PPM1H: variants seen among roughly 807,000 people sequenced by gnomAD.
The protein encoded by PPM1H is protein phosphatase, Mg2+/Mn2+ dependent 1H.
A neutral mutation model predicts 54.9 loss-of-function variants in PPM1H; 27 were observed. The ratio of observed to expected loss-of-function variants is 0.49; its 90% CI spans 0.36 to 0.68. The LOEUF is 0.68. Ranked by LOEUF, PPM1H falls within the 30% of genes least tolerant of loss-of-function variation. The pLI, the probability that PPM1H is intolerant of heterozygous loss-of-function variation, is 0.00. For missense variants in PPM1H, 596 were observed against 667.8 expected (o/e 0.89, Z 1.19); for synonymous variants, 305 against 270.8 (o/e 1.13, Z -1.24).
At chr12:62,836,478 A>T (rs1215943381) in intron 1 of PPM1H, among the ~76,000 whole-genome samples, 1 of 152,228 alleles carries the variant, frequency 6.6e-6, no homozygotes, top group Non-Finnish European at 1.5e-5. Flanking sequence ...TCCTCTTGTC[A>T]ACTCTATAAG....
intron 1 of PPM1H, among the ~76,000 whole-genome samples, chr12:62,908,354 C>T (rs528911701): frequency 1.4e-5 from 2 of 141,794 alleles, no homozygotes; most frequent in Admixed American, 7.5e-5. Context: ...TTGCAGTGAG[C>T]TGAGGTCATG....
chr12:62,697,546 C>A (rs2076121313), intron 6 of PPM1H, among the ~76,000 whole-genome samples: 1 of 151,962 alleles, frequency 6.6e-6, no homozygotes, highest in South Asian at 2.1e-4. Context: ...ACTTGGAAGG[C>A]CTGTCTGTTT....
At chr12:62,925,949 G>A (rs1871958579) in intron 1 of PPM1H, among the ~76,000 whole-genome samples, 1 of 152,334 alleles carries the variant, frequency 6.6e-6, no homozygotes, top group African/African-American at 2.4e-5. Context: ...TTTGTTGACT[G>A]AGTTATCTAT....
At chr12:62,761,856 G>A (rs2076511242) in intron 4 of PPM1H, among the ~76,000 whole-genome samples, 1 of 152,212 alleles carries the variant, frequency 6.6e-6, no homozygotes, top group Non-Finnish European at 1.5e-5. Flanking sequence ...ACAGCAAGGA[G>A]CTGGAAGGCT....
intron 2 of PPM1H, among the ~76,000 whole-genome samples, chr12:62,827,407 C>A (rs1243651470): frequency 6.6e-6 from 1 of 152,120 alleles, no homozygotes; most frequent in Non-Finnish European, 1.5e-5. Context: ...CATTTCTCAC[C>A]CATATTTCTG....
At chr12:62,832,086 G>A in intron 2 of PPM1H, 28 bp downstream of exon 2, 1 of 1,609,810 alleles carries the variant, frequency 6.2e-7, no homozygotes, top group South Asian at 1.1e-5. Flanking sequence ...CTTCTCACCT[G>A]AGAACCAAGG....
At chr12:62,727,027 G>C (rs2076293521) in intron 5 of PPM1H, among the ~76,000 whole-genome samples, 1 of 151,930 alleles carries the variant, frequency 6.6e-6, no homozygotes, top group Non-Finnish European at 1.5e-5. Flanking sequence ...CAATTCTCCT[G>C]CCTCAGCCTC....
intron 8 of PPM1H, among the ~76,000 whole-genome samples, chr12:62,676,103 C>A (rs141953515): frequency 6.6e-6 from 1 of 152,292 alleles, no homozygotes; most frequent in East Asian, 1.9e-4. Context: ...ATGAGTGGGC[C>A]AGAAAAGCAC....
At chr12:62,912,267 C>A (rs1181758602) in intron 1 of PPM1H, among the ~76,000 whole-genome samples, 1 of 152,166 alleles carries the variant, frequency 6.6e-6, no homozygotes, top group Non-Finnish European at 1.5e-5. Flanking sequence ...AATCTAGAAC[C>A]ACCTTCATTC....
chr12:62,930,584 T>C (rs939709814), intron 1 of PPM1H, among the ~76,000 whole-genome samples: 4 of 152,018 alleles, frequency 2.6e-5, no homozygotes, highest in African/African-American at 7.2e-5. Context: ...AGGATAAAAA[T>C]CGGGCAAACA....
chr12:62,800,325 GTT>G (rs34021356), intron 3 of PPM1H, among the ~76,000 whole-genome samples: 10,512 of 146,954 alleles, frequency 0.072, 496 homozygotes, highest in Middle Eastern at 0.12. Context: ...TAATCTCCAG[GTT>G]TTTTTTTTTT....
intron 1 of PPM1H, among the ~76,000 whole-genome samples, chr12:62,866,033 C>G (rs1208096778): frequency 6.6e-6 from 1 of 152,166 alleles, no homozygotes; most frequent in African/African-American, 2.4e-5. Flanking sequence ...AAGCCAACGT[C>G]TGTGGTGAAC....
intron 9 of PPM1H, among the ~76,000 whole-genome samples, chr12:62,655,516 T>C (rs1319579415): frequency 6.6e-6 from 1 of 152,208 alleles, no homozygotes; most frequent in African/African-American, 2.4e-5. Flanking sequence ...GGTTTTGTTA[T>C]TGAGGCTGAA....
At chr12:62,810,202 G>A (rs1468333868) in intron 2 of PPM1H, among the ~76,000 whole-genome samples, 2 of 152,024 alleles carry the variant, frequency 1.3e-5, no homozygotes, top group Non-Finnish European at 2.9e-5. Flanking sequence ...TTTTATATAA[G>A]ACACTTCACA....
chr12:62,767,750 T>C (rs1190650804), intron 4 of PPM1H, among the ~76,000 whole-genome samples: 2 of 152,160 alleles, frequency 1.3e-5, no homozygotes, highest in East Asian at 1.9e-4. Context: ...AAGCCTGAAA[T>C]CAAAATCGTA....
rs559511971 is a variant in PPM1H at position 62,697,520 on chromosome 12, A to C, written c.1074-3521T>G. On this transcript the variant is annotated intron_variant, in intron 6 of 9. Coordinates refer to ENST00000228705, the MANE Select transcript of PPM1H (RefSeq NM_020700.2). Reference sequence around the variant, plus strand: ...AAACTGCTCTCAGTTTAAGGAGGCCATCTAAGTTCTGGCCCACTTGGAAGG... The same window carrying C: ...AAACTGCTCTCAGTTTAAGGAGGCCCTCTAAGTTCTGGCCCACTTGGAAGG... Among the ~76,000 whole-genome samples the C allele has an allele frequency of 3.9e-5, 6 of 152,142 alleles. No homozygotes were observed. In the South Asian group the frequency reaches 1.3e-3, roughly 32 times the overall value.
At chr12:62,817,571 G>A (rs2076878810) in intron 2 of PPM1H, among the ~76,000 whole-genome samples, 1 of 152,082 alleles carries the variant, frequency 6.6e-6, no homozygotes, top group African/African-American at 2.4e-5. Context: ...AAAATGAGAT[G>A]AATAAAAGGC....
intron 1 of PPM1H, among the ~76,000 whole-genome samples, chr12:62,832,762 A>T (rs1271828039): frequency 6.6e-6 from 1 of 152,128 alleles, no homozygotes; most frequent in Non-Finnish European, 1.5e-5. Context: ...AGAGAACCAT[A>T]TTTCACTACG....
intron 1 of PPM1H, among the ~76,000 whole-genome samples, chr12:62,871,968 T>C (rs918202579): frequency 1.3e-5 from 2 of 152,334 alleles, no homozygotes; most frequent in Non-Finnish European, 2.9e-5. Flanking sequence ...TTTCAGGATT[T>C]ACAAAGTCCT....
Sources: allele counts gnomAD v4.1 joint callset (sites outside exome capture counted in the v4.1 genomes callset), GRCh38; gene constraint gnomAD v4.1.1; transcripts MANE v1.5; gene names NCBI Gene and HGNC (gene_info 2026-07-23, HGNC 2026-07-21).